Variants in USP40 observed in about 807,000 individuals in gnomAD.
The protein encoded by USP40 is ubiquitin carboxyl-terminal hydrolase 40.
In USP40, 143 loss-of-function variants were observed where a neutral mutation model predicts 166.2. That is an observed-to-expected ratio of 0.86 (90% CI 0.75 to 0.99). The LOEUF (loss-of-function observed/expected upper bound fraction) is 0.99. Among genes scored for constraint, USP40 ranks in the 50% least tolerant of loss-of-function variants. The probability of loss-of-function intolerance (pLI) is 0.00; values close to 1 mark genes in which losing one functional copy is unlikely to be tolerated. For missense variants in USP40, 1,444 were observed against 1,479.7 expected, an observed-to-expected ratio of 0.98 and a Z score of 0.40; for synonymous variants, 498 against 524.0, an observed-to-expected ratio of 0.95 and a Z score of 0.68.
At chr2:233,505,323 A>C (rs567911636) in intron 21 of USP40, among the ~76,000 whole-genome samples, 10 of 152,136 alleles carry the variant, frequency 6.6e-5, no homozygotes, top group Non-Finnish European at 1.3e-4. Context: ...AAGAAGCAGA[A>C]GGGAATAATA....
At chr2:233,489,051 G>C (rs774839014) in intron 27 of USP40, among the ~76,000 whole-genome samples, 4 of 152,200 alleles carry the variant, frequency 2.6e-5, no homozygotes, top group Non-Finnish European at 5.9e-5. Context: ...AGGAGGATCA[G>C]CTGAATCCAA....
intron 7 of USP40, among the ~76,000 whole-genome samples, chr2:233,549,670 T>G (rs570242254): frequency 6.6e-6 from 1 of 152,190 alleles, no homozygotes; most frequent in Non-Finnish European, 1.5e-5. Context: ...TATATCTAGT[T>G]GAAATTGTCC....
intron 6 of USP40, among the ~76,000 whole-genome samples, chr2:233,551,764 T>A (rs1336982189): frequency 1.3e-5 from 2 of 152,220 alleles, no homozygotes; most frequent in Non-Finnish European, 2.9e-5. Context: ...AATGTTGATA[T>A]CCTGAAATAC....
intron 24 of USP40, among the ~76,000 whole-genome samples, chr2:233,495,022 A>G (rs888665871): frequency 3.5e-4 from 50 of 143,176 alleles, no homozygotes; most frequent in African/African-American, 1.0e-3. Context: ...TATATAAAAT[A>G]AATATATTTT....
At chr2:233,489,611 A>T in intron 26 of USP40, 128 bp from the exon 27 acceptor site, 2 of 742,828 alleles carry the variant, frequency 2.7e-6, no homozygotes, top group Non-Finnish European at 4.4e-6. Flanking sequence ...AGTAATGATA[A>T]CATCATTTTA....
rs938903025 is a variant in USP40 at position 233,486,367 on chromosome 2, C to T, written c.3198-390G>A. 1.3e-5 allele frequency among the ~76,000 whole-genome samples: 2 copies of T among 152,060 alleles called. No individual in the cohort carries two copies. Among genetic ancestry groups the T allele is most frequent in the African/African-American group, 4.8e-5 (2 of 41,398 alleles). ...AGCGGGCTCGAGGTAGGCAGTTATG[C>T]CCTTGACTCTGGGGGCTGTAAATGT... On this transcript the variant is annotated intron_variant, in intron 28 of 31. Transcript: ENST00000678225. The surrounding 1 kb of genome is among the most constrained non-coding windows in gnomAD (Gnocchi z 4.0).
intron 15 of USP40, among the ~76,000 whole-genome samples, chr2:233,523,913 C>T (rs751944683): frequency 3.9e-5 from 6 of 152,136 alleles, no homozygotes; most frequent in East Asian, 1.9e-4. Flanking sequence ...TACTCCAGCA[C>T]GTATGGTGCA....
chr2:233,550,345 C>T (rs2125351177), intron 7 of USP40, among the ~76,000 whole-genome samples: 1 of 152,100 alleles, frequency 6.6e-6, no homozygotes, highest in Non-Finnish European at 1.5e-5. Context: ...TTTGTTACAT[C>T]AAAGTATGTT....
At chr2:233,527,006 A>T (rs1310985999) in intron 13 of USP40, among the ~76,000 whole-genome samples, 1 of 152,204 alleles carries the variant, frequency 6.6e-6, no homozygotes, top group Non-Finnish European at 1.5e-5. Context: ...ATTAATAAAT[A>T]CTGTTCTATA....
At chr2:233,554,565 A>AG in intron 5 of USP40, 39 bp from the exon 6 acceptor site, 1 of 1,535,678 alleles carries the variant, frequency 6.5e-7, no homozygotes, top group Non-Finnish European at 8.8e-7. Flanking sequence ...AAACAATTTC[A>AG]GAGGTTTACA....
intron 8 of USP40, among the ~76,000 whole-genome samples, chr2:233,547,950 G>C (rs1237186198): frequency 6.6e-6 from 1 of 152,070 alleles, no homozygotes; most frequent in African/African-American, 2.4e-5. Context: ...AGGGAGACTT[G>C]TCCTACCAGA....
chr2:233,506,133 C>A (rs774213620), intron 21 of USP40, among the ~76,000 whole-genome samples: 1 of 152,152 alleles, frequency 6.6e-6, no homozygotes, highest in East Asian at 1.9e-4. Flanking sequence ...CAGCAGGGTA[C>A]TGGCAAAAAG....
At chr2:233,496,923 T>C in intron 23 of USP40, 91 bp from the exon 24 acceptor site, 2 of 905,510 alleles carry the variant, frequency 2.2e-6, no homozygotes, top group Admixed American at 2.4e-5. Flanking sequence ...CTATTATCTT[T>C]TCAAAAATTA....
chr2:233,495,160 G>C (rs1335534982), intron 24 of USP40, among the ~76,000 whole-genome samples: 3 of 151,070 alleles, frequency 2.0e-5, no homozygotes, highest in Admixed American at 6.6e-5. Flanking sequence ...GAATGAGATA[G>C]CTTCACAGCA....
intron 16 of USP40, 141 bp downstream of exon 16, chr2:233,523,029 G>A: frequency 1.1e-6 from 1 of 937,964 alleles, no homozygotes; most frequent in Non-Finnish European, 1.6e-6. Flanking sequence ...AAACATTCCT[G>A]TATGCAATAT....
intron 1 of USP40, 127 bp from the exon 2 acceptor site, chr2:233,565,700 A>C: frequency 1.2e-6 from 1 of 866,312 alleles, no homozygotes; most frequent in Non-Finnish European, 1.7e-6. Flanking sequence ...TATGTACAGT[A>C]GTTGGGTTTT....
At chr2:233,534,845 T>A (rs1263449949) in intron 10 of USP40, among the ~76,000 whole-genome samples, 1 of 152,220 alleles carries the variant, frequency 6.6e-6, no homozygotes, top group Non-Finnish European at 1.5e-5. Context: ...TTAACTCTTT[T>A]AAGCCTCAAA....
rs1052355153 is a variant in USP40 at position 233,479,421 on chromosome 2, G to T, written c.3599+1782C>A. 3.3e-5 allele frequency among the ~76,000 whole-genome samples: 5 copies of T among 152,224 alleles called. No individual in the cohort carries two copies. In the East Asian group the frequency reaches 9.6e-4, roughly 29 times the overall value. On this transcript the variant is annotated intron_variant, in intron 31 of 31. Transcript: ENST00000678225. ...CTACTAAAAATACAAAAATTAGCTG[G>T]GCATAGTGGTGCACGCCTGTAGTAC...
In USP40 at chr2:233,514,223, G is replaced by A. The variant is rs541159870; in HGVS notation, c.2384-1601C>T. ...CACAGAACCTTGTCTAATGGGGGAG[G>A]TGGATATTAAAAACACAAATAAAAG... On this transcript the variant is annotated intron_variant, in intron 18 of 31. Coordinates refer to ENST00000678225, the MANE Select transcript of USP40 (RefSeq NM_001365479.2). Among the ~76,000 whole-genome samples the A allele has an allele frequency of 4.6e-5, 7 of 152,292 alleles. No individual in the cohort carries two copies. The East Asian group carries it at 1.4e-3, about 29-fold the overall frequency.
Sources: allele counts gnomAD v4.1 joint callset (sites outside exome capture counted in the v4.1 genomes callset), GRCh38; gene constraint gnomAD v4.1.1; non-coding constraint Gnocchi (gnomAD v3.1); transcripts MANE v1.5; gene names NCBI Gene and HGNC (gene_info 2026-07-23, HGNC 2026-07-21).